The following DHX8 variants were observed in gnomAD, a reference collection of about 807,000 sequenced individuals.
DHX8 encodes the protein DEAH-box helicase 8.
DHX8 carries 67 observed loss-of-function variants against 140.7 expected under a neutral mutation model. The ratio of observed to expected loss-of-function variants is 0.48; its 90% CI spans 0.39 to 0.58. The LOEUF (loss-of-function observed/expected upper bound fraction) is 0.58, where lower values mean the gene tolerates loss of function less well. Among genes scored for constraint, DHX8 ranks in the 20% least tolerant of loss-of-function variants. DHX8 has a pLI of 0.00. For missense variants in DHX8, 887 were observed against 1,550.7 expected (o/e 0.57, Z 7.19); for synonymous variants, 533 against 553.2 (o/e 0.96, Z 0.51).
At chr17:43,490,294 G>A (rs754057567) in intron 2 of DHX8, 97 bp from the exon 3 acceptor site, 40 of 894,774 alleles carry the variant, frequency 4.5e-5, no homozygotes, top group East Asian at 1.2e-4. Flanking sequence ...ATTCAAGTGC[G>A]TAACCACCCT....
In DHX8 at chr17:43,493,533, A is replaced by G; in HGVS notation, c.952A>G (p.Arg318Gly). 1 of 1,614,152 alleles carries G rather than the reference A, an allele frequency of 6.2e-7. No individual in the cohort carries two copies. The highest frequency in any genetic ancestry group is 8.5e-7 in the Non-Finnish European group (1 of 1,180,020). Reference sequence around the variant, plus strand: ...AGCTGATGTCGTGAGCAAAGGCCAGAGGGTCAAAGTCAAAGTGCTGTCCTT... The same window carrying G: ...AGCTGATGTCGTGAGCAAAGGCCAGGGGGTCAAAGTCAAAGTGCTGTCCTT... ...NVADVVSKGQ[R>G]VKVKVLSFTG... Residue 318 changes from arginine (R) to glycine (G), a missense_variant, in exon 7 of 23, where the codon AGG becomes GGG. Physicochemically the swap from Arg to Gly is moderately radical, Grantham distance 125 (BLOSUM62 -2). Transcript: ENST00000262415.
intron 12 of DHX8, among the ~76,000 whole-genome samples, chr17:43,505,397 G>A (rs906239827): frequency 6.6e-6 from 1 of 151,452 alleles, no homozygotes; most frequent in African/African-American, 2.4e-5. Flanking sequence ...TACAGAGAGA[G>A]ACTCTGTCTA....
intron 8 of DHX8, among the ~76,000 whole-genome samples, chr17:43,494,387 T>C (rs1316776314): frequency 1.3e-5 from 2 of 152,102 alleles, no homozygotes; most frequent in African/African-American, 2.4e-5. Context: ...AGTACCCTTT[T>C]CTATAAAACA....
intron 19 of DHX8, 95 bp downstream of exon 19, chr17:43,520,362 G>A (rs1005081626): frequency 5.3e-5 from 76 of 1,434,450 alleles, no homozygotes; most frequent in Non-Finnish European, 6.9e-5. Context: ...TGAGGCCGTG[G>A]ATAAGCTTTG....
chr17:43,533,786 C>T, intron 2 of DHX8: 2 of 1,563,856 alleles, frequency 1.3e-6, no homozygotes, highest in Non-Finnish European at 8.6e-7. Context: ...GCTGCCTCTG[C>T]TCATGGGTGC....
At chr17:43,543,296 T>TCTCTCTCTCTCTCACA (rs888736657) in intron 3 of DHX8, among the ~76,000 whole-genome samples, 52 of 143,456 alleles carry the variant, frequency 3.6e-4, no homozygotes, top group Middle Eastern at 3.5e-3. Flanking sequence ...TCTCTCTCTC[T>TCTCTCTCTCTCTCACA]CACACACACA....
At chr17:43,540,367 C>T (rs1045314030) in intron 3 of DHX8, among the ~76,000 whole-genome samples, 2 of 152,156 alleles carry the variant, frequency 1.3e-5, no homozygotes, top group Non-Finnish European at 1.5e-5. Context: ...ACAGGAGAAT[C>T]GCTTGAACCC....
intron 2 of DHX8, chr17:43,532,553 A>T (rs968592121): frequency 1.1e-6 from 1 of 908,120 alleles, no homozygotes; most frequent in African/African-American, 1.7e-5. Flanking sequence ...TGAAGAAAAA[A>T]AGTGGGTGGG....
chr17:43,484,950 T>G (rs1968047482), intron 1 of DHX8, among the ~76,000 whole-genome samples: 1 of 152,192 alleles, frequency 6.6e-6, no homozygotes, highest in African/African-American at 2.4e-5. Context: ...GTACTATGTC[T>G]TAAACACCAG....
chr17:43,484,692 A>T (rs1157664761), intron 1 of DHX8, among the ~76,000 whole-genome samples: 7 of 152,124 alleles, frequency 4.6e-5, no homozygotes, highest in Non-Finnish European at 1.0e-4. Flanking sequence ...CCCGGGCTGG[A>T]GTGCAGTGGC....
chr17:43,544,371 C>T (rs1183324505), exon 4 of DHX8: 1 of 152,864 alleles, frequency 6.5e-6, no homozygotes, highest in East Asian at 1.9e-4. Flanking sequence ...GAGGGAGGAA[C>T]ACTTGCTATT....
intron 11 of DHX8, among the ~76,000 whole-genome samples, chr17:43,500,908 TC>T (rs1432758208): frequency 2.0e-5 from 3 of 151,880 alleles, no homozygotes; most frequent in African/African-American, 7.3e-5. Context: ...AGACTCCGTC[TC>T]AAAAAAAAAA....
intron 3 of DHX8, among the ~76,000 whole-genome samples, chr17:43,543,035 C>T (rs1349079420): frequency 2.0e-5 from 3 of 152,020 alleles, no homozygotes; most frequent in African/African-American, 4.8e-5. Flanking sequence ...GACAGGGCCC[C>T]GGCAGCTGCA....
chr17:43,542,169 C>T (rs1220582424), intron 3 of DHX8, among the ~76,000 whole-genome samples: 2 of 152,110 alleles, frequency 1.3e-5, no homozygotes, highest in Admixed American at 6.6e-5. Context: ...GAGCGCAGAT[C>T]GATCGATCCC....
chr17:43,485,552 G>A (rs143392711), intron 1 of DHX8, among the ~76,000 whole-genome samples: 1 of 152,088 alleles, frequency 6.6e-6, no homozygotes, highest in East Asian at 1.9e-4. Flanking sequence ...AATTTCGTCG[G>A]TTTTGCTATC....
At chr17:43,522,396 A>G (rs988637937) in intron 22 of DHX8, among the ~76,000 whole-genome samples, 170 bp downstream of exon 22, 3 of 152,102 alleles carry the variant, frequency 2.0e-5, no homozygotes, top group Non-Finnish European at 2.9e-5. Context: ...ATCAAACCCT[A>G]TGAGAGAATT....
chr17:43,535,161 G>T (rs1333688271), intron 2 of DHX8, among the ~76,000 whole-genome samples: 1 of 152,236 alleles, frequency 6.6e-6, no homozygotes, highest in Admixed American at 6.5e-5. Context: ...CCGCAGTCCA[G>T]TCAAATGCCG....
chr17:43,528,155 C>T (rs1376729055), downstream of DHX8: 3 of 248,282 alleles, frequency 1.2e-5, no homozygotes. Flanking sequence ...TCCTCACCCT[C>T]CTGCCAGTAT....
downstream of DHX8, among the ~76,000 whole-genome samples, chr17:43,528,921 A>G (rs1351510698): frequency 1.3e-5 from 2 of 151,792 alleles, no homozygotes; most frequent in African/African-American, 4.8e-5. Flanking sequence ...CTCCTTTTTC[A>G]TCTCAACTTC....
Sources: gnomAD v4.1 joint callset for allele counts (sites outside exome capture counted in the v4.1 genomes callset) on GRCh38, gnomAD v4.1.1 for gene constraint, MANE v1.5 for transcripts, NCBI Gene and HGNC (gene_info 2026-07-23, HGNC 2026-07-21) for gene names.